The following SLC35F4 variants were observed in gnomAD, a reference collection of about 807,000 sequenced individuals.
The protein encoded by SLC35F4 is chromosome 14 open reading frame 36.
A neutral mutation model predicts 44.2 loss-of-function variants in SLC35F4; 24 were observed. The ratio of observed to expected loss-of-function variants is 0.54; its 90% CI spans 0.39 to 0.76. SLC35F4 has a LOEUF of 0.76. SLC35F4 is among the 30% of genes least tolerant of loss of function. The pLI is 0.00. For missense variants in SLC35F4, 562 were observed against 586.1 expected (o/e 0.96, Z 0.42); for synonymous variants, 238 against 223.6 (o/e 1.06, Z -0.57).
chr14:57,707,619 T>C (rs2075710241), intron 1 of SLC35F4, among the ~76,000 whole-genome samples: 2 of 152,170 alleles, frequency 1.3e-5, no homozygotes, highest in Non-Finnish European at 2.9e-5. Flanking sequence ...AATGGACTAA[T>C]ACAATAAATT....
intron 1 of SLC35F4, among the ~76,000 whole-genome samples, chr14:57,790,622 T>C (rs2077893297): frequency 1.3e-5 from 2 of 152,122 alleles, no homozygotes; most frequent in Non-Finnish European, 1.5e-5. Context: ...CTTCACAGAA[T>C]TGGAAAAAAC....
intron 1 of SLC35F4, among the ~76,000 whole-genome samples, chr14:57,715,464 G>A (rs568353453): frequency 2.0e-5 from 3 of 152,314 alleles, no homozygotes; most frequent in African/African-American, 7.2e-5. Context: ...AAGTAATACA[G>A]GAGTGAATCT....
chr14:57,941,040 A>T (rs1023648298), intron 1 of SLC35F4, among the ~76,000 whole-genome samples: 8 of 152,216 alleles, frequency 5.3e-5, no homozygotes, highest in African/African-American at 1.9e-4. Flanking sequence ...AATAACAAGA[A>T]AAATTAGTGT....
chr14:57,966,285 C>T (rs1012699475), intron 1 of SLC35F4, among the ~76,000 whole-genome samples: 2 of 152,134 alleles, frequency 1.3e-5, no homozygotes, highest in Non-Finnish European at 2.9e-5. Flanking sequence ...TGTTCTCCTG[C>T]CTAGAGAGAG....
chr14:57,565,621 A>C (rs1029167375), intron 7 of SLC35F4, among the ~76,000 whole-genome samples: 1 of 152,154 alleles, frequency 6.6e-6, no homozygotes, highest in South Asian at 2.1e-4. Context: ...CTCCACTCTG[A>C]TATTTCTTTT....
chr14:57,691,935 G>C (rs1384695242), intron 1 of SLC35F4, among the ~76,000 whole-genome samples: 2 of 152,152 alleles, frequency 1.3e-5, no homozygotes, highest in Non-Finnish European at 2.9e-5. Context: ...ACATTCCAGA[G>C]TGAACAAAGT....
intron 1 of SLC35F4, among the ~76,000 whole-genome samples, chr14:57,704,102 G>T (rs1319519581): frequency 6.6e-6 from 1 of 152,164 alleles, no homozygotes; most frequent in African/African-American, 2.4e-5. Flanking sequence ...TAGAACTAGA[G>T]AGTTCAAAAC....
At chr14:57,656,752 A>G (rs1265810170) in intron 1 of SLC35F4, among the ~76,000 whole-genome samples, 1 of 152,060 alleles carries the variant, frequency 6.6e-6, no homozygotes. Context: ...TAAACTTTCT[A>G]TGTCTGTGCC....
intron 1 of SLC35F4, among the ~76,000 whole-genome samples, chr14:57,882,022 C>T (rs887204760): frequency 3.9e-5 from 6 of 152,254 alleles, no homozygotes; most frequent in Middle Eastern, 3.4e-3. Context: ...CAGGTGACCA[C>T]GGCCTCCCAT....
At chr14:57,713,487 C>A (rs762318784) in intron 1 of SLC35F4, among the ~76,000 whole-genome samples, 48 of 152,170 alleles carry the variant, frequency 3.2e-4, no homozygotes, top group Non-Finnish European at 6.0e-4. Flanking sequence ...TGCTAGTTCA[C>A]ACCTTTACAC....
chr14:57,867,559 G>A (rs1338846931), upstream of SLC35F4, among the ~76,000 whole-genome samples: 1 of 151,688 alleles, frequency 6.6e-6, no homozygotes, highest in East Asian at 1.9e-4. Flanking sequence ...CAGTGATGGG[G>A]AGCTAGCCAT....
intron 1 of SLC35F4, among the ~76,000 whole-genome samples, chr14:57,769,451 T>A (rs1318211462): frequency 1.3e-5 from 2 of 152,166 alleles, no homozygotes; most frequent in African/African-American, 4.8e-5. Context: ...GGGGTGTGAA[T>A]CTGTGCAGGT....
intron 1 of SLC35F4, among the ~76,000 whole-genome samples, chr14:57,850,293 T>C (rs1157029297): frequency 6.6e-6 from 1 of 152,196 alleles, no homozygotes; most frequent in African/African-American, 2.4e-5. Context: ...GCCTTACACA[T>C]CAGCATGTAG....
chr14:57,636,409 T>C (rs1011187158), intron 1 of SLC35F4, among the ~76,000 whole-genome samples: 2 of 152,106 alleles, frequency 1.3e-5, no homozygotes, highest in Non-Finnish European at 2.9e-5. Context: ...AGCACACTTG[T>C]AGACTGCTTT....
chr14:57,942,129 A>G (rs1450593087), intron 1 of SLC35F4, among the ~76,000 whole-genome samples: 1 of 152,208 alleles, frequency 6.6e-6, no homozygotes, highest in Non-Finnish European at 1.5e-5. Context: ...TTCTGCCTCA[A>G]GAGTGAATAA....
chr14:57,579,907 A>G (rs994735902), intron 4 of SLC35F4, among the ~76,000 whole-genome samples: 6 of 152,160 alleles, frequency 3.9e-5, no homozygotes, highest in Non-Finnish European at 5.9e-5. Flanking sequence ...CAGATCTTGA[A>G]AAGAACAGTG....
rs374006331 is a variant in SLC35F4 at position 57,878,756 on chromosome 14, T to C, written n.282+103157A>G. On this transcript the variant is annotated intron_variant and non_coding_transcript_variant, in intron 1 of 1. Coordinates refer to the SLC35F4 transcript ENST00000556568. The stretch of plus-strand genomic sequence containing the variant: ...TTTTTATTGTTGTTGTTCACTATTG[T>C]ATTCCCAACATCTAGTATAGTGCCA... 9.2e-5 allele frequency among the ~76,000 whole-genome samples: 14 copies of C among 152,274 alleles called. 1 individual carries two copies. The highest frequency in any genetic ancestry group is 3.4e-4 in the African/African-American group (14 of 41,566).
chr14:57,917,871 C>A (rs1889360966), intron 1 of SLC35F4, among the ~76,000 whole-genome samples: 1 of 152,114 alleles, frequency 6.6e-6, no homozygotes, highest in African/African-American at 2.4e-5. Flanking sequence ...AAGCCTGTGG[C>A]CCTGCATTAT....
At chr14:57,700,174 C>T (rs958580541) in intron 1 of SLC35F4, among the ~76,000 whole-genome samples, 1 of 152,176 alleles carries the variant, frequency 6.6e-6, no homozygotes, top group African/African-American at 2.4e-5. Context: ...TACTACATAC[C>T]TAGGCTATAT....
Sources: allele counts gnomAD v4.1 joint callset (sites outside exome capture counted in the v4.1 genomes callset), GRCh38; gene constraint gnomAD v4.1.1; transcripts MANE v1.5; gene names NCBI Gene and HGNC (gene_info 2026-07-23, HGNC 2026-07-21).